TRPV1: variants seen among roughly 807,000 people sequenced by gnomAD.
TRPV1 encodes the protein transient receptor potential cation channel subfamily V member 1, also known as OTRPC1.
A neutral mutation model predicts 82.3 loss-of-function variants in TRPV1; 82 were observed. That is an observed-to-expected ratio of 1.00 (90% CI 0.83 to 1.20). TRPV1 has a LOEUF of 1.20. Ranked by LOEUF, TRPV1 falls within the 50% of genes most tolerant of loss-of-function variation. TRPV1 has a pLI of 0.00. For synonymous variants in TRPV1, 515 were observed against 467.7 expected (o/e 1.10, Z -1.30); for missense variants, 1,067 against 1,096.8 (o/e 0.97, Z 0.38).
chr17:3,595,294 T>A (rs377003020), intron 2 of TRPV1, among the ~76,000 whole-genome samples: 2 of 152,050 alleles, frequency 1.3e-5, no homozygotes, highest in South Asian at 4.1e-4. Context: ...TTATGGCACG[T>A]CCCCGAGGTC....
intron 11 of TRPV1, among the ~76,000 whole-genome samples, chr17:3,580,243 G>A (rs1441459954): frequency 6.6e-6 from 1 of 152,204 alleles, no homozygotes; most frequent in East Asian, 1.9e-4. Flanking sequence ...CGGACTGTAA[G>A]TCACGGCAGT....
rs2075169704 is a variant in TRPV1, at chr17:3,592,291, G to A, written c.60C>T (p.Thr20=). The change falls in exon 3 of 17, where the codon ACC becomes ACT. Residue 20 remains threonine (T), a synonymous_variant. Transcript: ENST00000572705. ...GGTCTCCATCCAGGGGGTCTGGGCA[G>A]GTGTCCTTTTGGAGTGGGTCCGCAG... The part of the protein sequence containing the change: ...GAAADPLQKD[T]CPDPLDGDPN... The A allele has an allele frequency of 6.2e-7, 1 of 1,603,376 alleles. No individual in the cohort carries two copies. Among genetic ancestry groups the A allele is most frequent in the African/African-American group, 1.3e-5 (1 of 74,770 alleles).
intron 10 of TRPV1, among the ~76,000 whole-genome samples, chr17:3,581,886 GAA>G (rs36150459): frequency 1.1e-4 from 12 of 108,160 alleles, no homozygotes; most frequent in Non-Finnish European, 9.2e-5. Flanking sequence ...CTCCATCTCA[GAA>G]AAAAAAAAAA....
chr17:3,578,820 A>T (rs1422055083), intron 11 of TRPV1: 1 of 152,244 alleles, frequency 6.6e-6, no homozygotes, highest in African/African-American at 2.4e-5. Context: ...AGTGGTACGT[A>T]TATACCATGG....
chr17:3,587,718 G>C (rs922231494), intron 8 of TRPV1, among the ~76,000 whole-genome samples: 2 of 151,768 alleles, frequency 1.3e-5, no homozygotes, highest in African/African-American at 4.8e-5. Context: ...CTTCGGATTC[G>C]AGGAGAATCG....
chr17:3,571,863 C>T (rs990301933), intron 15 of TRPV1, among the ~76,000 whole-genome samples: 5 of 152,160 alleles, frequency 3.3e-5, no homozygotes, highest in Admixed American at 1.3e-4. Context: ...CAGGCTCTGA[C>T]GCTGCTCACT....
At chr17:3,595,050 C>G (rs1485791344) in intron 2 of TRPV1, among the ~76,000 whole-genome samples, 1 of 152,006 alleles carries the variant, frequency 6.6e-6, no homozygotes, top group Non-Finnish European at 1.5e-5. Flanking sequence ...GGGCCGGGTG[C>G]TAGTCTTCCC....
chr17:3,569,843 C>T (rs2074823203), intron 16 of TRPV1, among the ~76,000 whole-genome samples: 1 of 151,838 alleles, frequency 6.6e-6, no homozygotes, highest in South Asian at 2.1e-4. Flanking sequence ...ACTACTCAAC[C>T]TTTAACGTCT....
rs201416150 is a variant in TRPV1 at position 3,577,680 on chromosome 17, G to A, written c.1631C>T (p.Ser544Phe). ...CATGTTGGTCCAGCCCAAGGCCAGG[G>A]AGAATACCATGGAAGCCACATACTC... is the stretch of plus-strand genomic sequence containing the variant. ...LKEYVASMVF[S>F]LALGWTNMLY... Residue 544 changes from serine to phenylalanine, a missense_variant, in exon 12 of 17, where the codon TCC becomes TTC. Coordinates refer to ENST00000572705, the MANE Select transcript of TRPV1 (RefSeq NM_080704.4). 6.3e-6 allele frequency: 10 copies of A among 1,588,714 alleles called. No homozygotes were observed. Among genetic ancestry groups the A allele is most frequent in the Non-Finnish European group, 8.6e-6 (10 of 1,168,076 alleles).
At chr17:3,584,510 T>C (rs989439816) in intron 9 of TRPV1, among the ~76,000 whole-genome samples, 7 of 150,360 alleles carry the variant, frequency 4.7e-5, no homozygotes, top group Admixed American at 1.3e-4. Context: ...TTAAAGTAAA[T>C]GTGCAGCCGG....
intron 15 of TRPV1, 22 bp from the exon 16 acceptor site, chr17:3,571,661 G>C (rs1323789674): frequency 6.4e-7 from 1 of 1,568,040 alleles, no homozygotes; most frequent in Non-Finnish European, 8.7e-7. Context: ...GGGGTCGGGA[G>C]AGCCTGAGAG....
At chr17:3,592,494 C>T (rs2075172371) in intron 2 of TRPV1, 111 bp from the exon 3 acceptor site, 1 of 1,083,236 alleles carries the variant, frequency 9.2e-7, no homozygotes. Context: ...CCCAAAACTC[C>T]AACTTGCTGC....
chr17:3,585,646 G>T, intron 9 of TRPV1, 122 bp downstream of exon 9: 2 of 1,254,772 alleles, frequency 1.6e-6, no homozygotes, highest in Non-Finnish European at 2.2e-6. Flanking sequence ...CATCGCTCCC[G>T]CAAGCTGGGA....
chr17:3,603,246 G>C (rs927610270), intron 2 of TRPV1, among the ~76,000 whole-genome samples: 3 of 152,208 alleles, frequency 2.0e-5, no homozygotes, highest in Non-Finnish European at 4.4e-5. Context: ...GCAGCGGTCT[G>C]CGAGCCGGTC....
chr17:3,574,010 C>G, intron 13 of TRPV1, 55 bp from the exon 14 acceptor site: 2 of 1,427,640 alleles, frequency 1.4e-6, no homozygotes, highest in South Asian at 1.4e-5. Flanking sequence ...TATCCCAAGT[C>G]CCCTGACATA....
At position 3,590,404 on chromosome 17, in the gene TRPV1, G is replaced by A. The variant is rs201876158; in HGVS notation, c.605-12C>T. 3.7e-6 allele frequency: 6 copies of A among 1,612,104 alleles called. No homozygotes were observed. Among genetic ancestry groups the A allele is most frequent in the East Asian group, 2.2e-5 (1 of 44,852 alleles). On this transcript the variant is annotated splice_polypyrimidine_tract_variant and intron_variant, in intron 5 of 16. Coordinates refer to ENST00000572705, the MANE Select transcript of TRPV1 (RefSeq NM_080704.4). ...CAGTGCTGTCTGGCCTACAGAGGAC[G>A]CGCACGGTTGGCTTCGTGGTCACGG... is the stretch of plus-strand genomic sequence containing the variant.
At chr17:3,571,417 T>TG in intron 16 of TRPV1, 107 bp downstream of exon 16, 2 of 873,532 alleles carry the variant, frequency 2.3e-6, no homozygotes, top group South Asian at 1.6e-5. Context: ...GCCCGGGTCC[T>TG]GGGGGGATGA....
rs1567656427 is a variant in TRPV1, at chr17:3,569,963, G to GGGTCAGGGAGGAGGGGCCAAGT, written c.2347+1560_2347+1561insACTTGGCCCCTCCTCCCTGACC. The stretch of plus-strand genomic sequence containing the variant: ...AAGGGGTCAGGGAGGAGGGGCCAAG[G>GGGTCAGGGAGGAGGGGCCAAGT]GGTCAGGGAGGAGGGGCCAAGCGGT... On this transcript the variant is annotated intron_variant, in intron 16 of 16. Coordinates refer to ENST00000572705, the MANE Select transcript of TRPV1 (RefSeq NM_080704.4). Among the ~76,000 whole-genome samples, 728 of 95,642 alleles carry GGGTCAGGGAGGAGGGGCCAAGT rather than the reference G, an allele frequency of 7.6e-3. 6 individuals carry two copies. Among genetic ancestry groups the GGGTCAGGGAGGAGGGGCCAAGT allele is most frequent in the East Asian group, 0.026 (70 of 2,710 alleles). The allele number at this position is 95,642 out of a possible 152,430, so 62.7% of individuals were successfully genotyped here.
At position 3,572,242 on chromosome 17, in the gene TRPV1, A is replaced by G. The variant is rs1156850046; in HGVS notation, c.2111T>C (p.Ile704Thr). The G allele has an allele frequency of 6.2e-7, 1 of 1,608,368 alleles. No homozygotes were observed. The highest frequency in any genetic ancestry group is 1.7e-5 in the Admixed American group (1 of 59,180). Reference protein sequence around the residue: ...SKNIWKLQRAITILDTEKSFL... With the variant: ...SKNIWKLQRATTILDTEKSFL... ...GCTCTTCTCCGTGTCCAGGATGGTGATGGCTCTCTGCAGGAAGACACCAAG... is the reference window on the plus strand; with the variant it reads ...GCTCTTCTCCGTGTCCAGGATGGTGGTGGCTCTCTGCAGGAAGACACCAAG... Residue 704 changes from isoleucine (I) to threonine (T), a missense_variant, in exon 15 of 17, where the codon ATC becomes ACC. Transcript: ENST00000572705.
Sources: allele counts gnomAD v4.1 joint callset (sites outside exome capture counted in the v4.1 genomes callset), GRCh38; gene constraint gnomAD v4.1.1; transcripts MANE v1.5; gene names NCBI Gene and HGNC (gene_info 2026-07-23, HGNC 2026-07-21).